TERB1: variants seen among roughly 807,000 people sequenced by gnomAD.
The protein encoded by TERB1 is telomere repeats-binding bouquet formation protein 1.
Under a neutral mutation model 92.3 loss-of-function variants are expected in TERB1, and 63 were observed. The ratio of observed to expected loss-of-function variants is 0.68; its 90% CI spans 0.56 to 0.84. The LOEUF (loss-of-function observed/expected upper bound fraction) is 0.84, where lower values mean the gene tolerates loss of function less well. TERB1 is among the 40% of genes least tolerant of loss of function. The pLI is 0.00. For missense variants in TERB1, 709 were observed against 843.7 expected (o/e 0.84, Z 1.98); for synonymous variants, 252 against 283.9 (o/e 0.89, Z 1.13).
chr16:66,789,701 TG>T (rs1201180267), intron 5 of TERB1, among the ~76,000 whole-genome samples: 1 of 118,572 alleles, frequency 8.4e-6, no homozygotes, highest in African/African-American at 3.7e-5. Flanking sequence ...TCCTAAAAGG[TG>T]ATTTTTTTTT....
intron 16 of TERB1, among the ~76,000 whole-genome samples, chr16:66,762,020 G>A (rs921518838): frequency 2.6e-5 from 4 of 152,212 alleles, no homozygotes; most frequent in African/African-American, 4.8e-5. Flanking sequence ...ACCGCTGCAC[G>A]CCAGCCTGGC....
chr16:66,766,171 G>A lies in TERB1; in HGVS notation c.1780+1244C>T, dbSNP rs149042852. On this transcript the variant is annotated intron_variant, in intron 16 of 18. Coordinates refer to ENST00000433154, the MANE Select transcript of TERB1 (RefSeq NM_001136505.2). Reference sequence around the variant, plus strand: ...CAGGCGTGAGCCACCGCGCCCGGCCGGGTATTTTTTTAAGATGAGGAAAAA... The same window carrying A: ...CAGGCGTGAGCCACCGCGCCCGGCCAGGTATTTTTTTAAGATGAGGAAAAA... 4.9e-3 allele frequency among the ~76,000 whole-genome samples: 749 copies of A among 152,146 alleles called. 6 individuals are homozygous for A. The highest frequency in any genetic ancestry group is 0.017 in the African/African-American group (716 of 41,516).
Position 66,778,990 on chromosome 16 carries a change from A to C in TERB1, c.726T>G (p.Ser242=). The C allele has an allele frequency of 1.3e-6, 2 of 1,517,368 alleles. No individual in the cohort carries two copies. Among genetic ancestry groups the C allele is most frequent in the Non-Finnish European group, 1.8e-6 (2 of 1,121,360 alleles). 94.0% of individuals were successfully genotyped at this position (1,517,368 alleles called of 1,614,324 possible). A position where few individuals can be genotyped will look rare whatever the true frequency, so the allele number is the denominator to read the frequency against. Residue 242 remains serine (S), a synonymous_variant, in exon 10 of 19, where the codon TCT becomes TCG. Transcript: ENST00000433154. ...GAGACAATACATCCAGTCCGCCCAC[A>C]GATACGAAGTATTTCTGAACATATG... is the stretch of plus-strand genomic sequence containing the variant. ...NNTYVQKYFV[S]VGGLDVLSQV...
chr16:66,789,366 C>T (rs1332104536), intron 5 of TERB1, among the ~76,000 whole-genome samples: 2 of 38,510 alleles, frequency 5.2e-5, no homozygotes, highest in Non-Finnish European at 8.7e-5. Context: ...GGGCGGATCA[C>T]GAGGTCAGGA....
chr16:66,766,134 G>T (rs1375807141), intron 16 of TERB1, among the ~76,000 whole-genome samples: 1 of 151,106 alleles, frequency 6.6e-6, no homozygotes, highest in Non-Finnish European at 1.5e-5. Context: ...GCCTCCCAAA[G>T]TGCTGGGATT....
intron 2 of TERB1, chr16:66,800,233 T>A (rs1246692920): frequency 6.6e-6 from 1 of 151,718 alleles, no homozygotes; most frequent in African/African-American, 2.4e-5. Flanking sequence ...CTGGGCGTGG[T>A]CACGCACCTG....
chr16:66,770,541 C>T (rs1408519468), intron 13 of TERB1, among the ~76,000 whole-genome samples: 1 of 151,948 alleles, frequency 6.6e-6, no homozygotes, highest in Non-Finnish European at 1.5e-5. Context: ...ACAGCTTATA[C>T]AAAGATAAAG....
At chr16:66,800,551 G>A (rs1959248110) in intron 2 of TERB1, among the ~76,000 whole-genome samples, 1 of 150,034 alleles carries the variant, frequency 6.7e-6, no homozygotes, top group African/African-American at 2.5e-5. Context: ...CCACACCAAG[G>A]CCAAGAAAGC....
At chr16:66,780,588 C>T (rs2018620014) in intron 9 of TERB1, among the ~76,000 whole-genome samples, 1 of 150,308 alleles carries the variant, frequency 6.7e-6, no homozygotes, top group African/African-American at 2.4e-5. Context: ...AAAAAAAAAG[C>T]ACTTGTTAAT....
chr16:66,754,848 T>G lies in TERB1; in HGVS notation c.*128A>C. ...TGATGAGTTTCAGCATCACAAAAAC[T>G]GTTTAATGAAAACTGTATCCTCATT... On this transcript the variant is annotated 3_prime_UTR_variant, in exon 19 of 19. Coordinates refer to ENST00000433154, the MANE Select transcript of TERB1 (RefSeq NM_001136505.2). 1.2e-6 allele frequency: 1 copy of G among 824,130 alleles called. No individual in the cohort carries two copies. The highest frequency in any genetic ancestry group is 1.9e-6 in the Non-Finnish European group (1 of 530,438). The allele number at this position is 824,130 out of a possible 1,614,324, so 51.1% of individuals were successfully genotyped here.
At chr16:66,789,250 A>T (rs1485422045) in intron 5 of TERB1, among the ~76,000 whole-genome samples, 1 of 151,930 alleles carries the variant, frequency 6.6e-6, no homozygotes, top group Admixed American at 6.6e-5. Context: ...CCCTATAAAT[A>T]TATACACCTA....
chr16:66,772,334 T>A (rs894737423), intron 13 of TERB1, among the ~76,000 whole-genome samples: 2 of 152,022 alleles, frequency 1.3e-5, no homozygotes, highest in Admixed American at 1.3e-4. Flanking sequence ...ACAAAGAAAT[T>A]AGCCGGGTGT....
rs1374563884 is a variant in TERB1 at position 66,770,033 on chromosome 16, C to T, written c.1549G>A (p.Ala517Thr). ...AAGTTTTGATTGCAGCTTGACTTGGCTTTATATAAAGTCTTATTTTGCTCA... is the reference window on the plus strand; with the variant it reads ...AAGTTTTGATTGCAGCTTGACTTGGTTTTATATAAAGTCTTATTTTGCTCA... ...ESEQNKTLYK[A>T]KSSCNQNLHE... Residue 517 changes from alanine to threonine, a missense_variant, in exon 14 of 19, where the codon GCC becomes ACC. Transcript: ENST00000433154. 5 of 1,551,582 alleles carry T rather than the reference C, an allele frequency of 3.2e-6. No homozygotes were observed. The Admixed American group carries it at 7.8e-5, about 24-fold the overall frequency.
Position 66,777,214 on chromosome 16 carries a change from G to A in TERB1, c.974C>T (p.Thr325Ile). 1 of 1,549,804 alleles carries A rather than the reference G, an allele frequency of 6.5e-7. No individual in the cohort carries two copies. The highest frequency in any genetic ancestry group is 8.7e-7 in the Non-Finnish European group (1 of 1,146,050). ...AATCCAATACTTACCACAATCCTCT[G>A]TGCAATGACCAAGAGTAAGCATGAT... is the stretch of plus-strand genomic sequence containing the variant. ...FSIMLTLGHC[T>I]EDCEENQYDL... Residue 325 changes from threonine to isoleucine, a missense_variant, in exon 11 of 19, where the codon ACA (threonine) becomes ATA (isoleucine). Thr to Ile is a moderately conservative substitution (Grantham distance 89, BLOSUM62 -1). Transcript: ENST00000433154.
At chr16:66,765,282 C>G (rs1251449475) in intron 16 of TERB1, among the ~76,000 whole-genome samples, 2 of 152,176 alleles carry the variant, frequency 1.3e-5, no homozygotes, top group African/African-American at 4.8e-5. Context: ...CCCAAACTTT[C>G]TAGGTTCATG....
At chr16:66,763,401 A>C (rs978583471) in intron 16 of TERB1, among the ~76,000 whole-genome samples, 1 of 152,200 alleles carries the variant, frequency 6.6e-6, no homozygotes, top group African/African-American at 2.4e-5. Flanking sequence ...TGCTGATTGC[A>C]TCCTAGTTGT....
chr16:66,791,692 C>T (rs892317224), intron 3 of TERB1, among the ~76,000 whole-genome samples: 1 of 152,058 alleles, frequency 6.6e-6, no homozygotes, highest in African/African-American at 2.4e-5. Context: ...CAATTTCATA[C>T]CTACAGATTG....
At chr16:66,795,598 G>C (rs1007303820) in intron 3 of TERB1, among the ~76,000 whole-genome samples, 1 of 152,114 alleles carries the variant, frequency 6.6e-6, no homozygotes, top group Non-Finnish European at 1.5e-5. Flanking sequence ...TGGAGGTTTC[G>C]TAAATGGTTT....
At chr16:66,793,506 C>T (rs772516566) in intron 3 of TERB1, among the ~76,000 whole-genome samples, 1 of 151,850 alleles carries the variant, frequency 6.6e-6, no homozygotes, top group Non-Finnish European at 1.5e-5. Context: ...GCATGAGCCA[C>T]TGCACCCGGA....
Sources: gnomAD v4.1 joint callset for allele counts (sites outside exome capture counted in the v4.1 genomes callset) on GRCh38, gnomAD v4.1.1 for gene constraint, MANE v1.5 for transcripts, NCBI Gene and HGNC (gene_info 2026-07-23, HGNC 2026-07-21) for gene names.